JCHAIN: variants seen among roughly 807,000 people sequenced by gnomAD.
JCHAIN encodes the protein immunoglobulin J chain.
Under a neutral mutation model 11.1 loss-of-function variants are expected in JCHAIN, and 5 were observed. The observed-to-expected ratio is 0.45, with a 90% CI of 0.24 to 0.95. JCHAIN has a LOEUF of 0.95. JCHAIN is among the 40% of genes least tolerant of loss of function. JCHAIN has a pLI of 0.21. For missense variants in JCHAIN, 165 were observed against 192.7 expected, an observed-to-expected ratio of 0.86 and a Z score of 0.85; for synonymous variants, 51 against 67.8, an observed-to-expected ratio of 0.75 and a Z score of 1.22.
chr4:70,663,132 C>A (rs1254437552), intron 1 of JCHAIN, among the ~76,000 whole-genome samples: 2 of 151,808 alleles, frequency 1.3e-5, no homozygotes, highest in Admixed American at 1.3e-4. Flanking sequence ...ACCATTAAAG[C>A]CTTAACTTTG....
chr4:70,664,445 C>T (rs1318361497), intron 1 of JCHAIN, among the ~76,000 whole-genome samples: 1 of 151,936 alleles, frequency 6.6e-6, no homozygotes, highest in Non-Finnish European at 1.5e-5. Context: ...CAAAGAGGAC[C>T]TAATGCAGTA....
intron 1 of JCHAIN, among the ~76,000 whole-genome samples, chr4:70,663,829 G>C (rs1468457039): frequency 1.3e-5 from 2 of 151,886 alleles, no homozygotes; most frequent in Non-Finnish European, 1.5e-5. Context: ...CCAAAGTGCT[G>C]GGATTATGGG....
intron 1 of JCHAIN, chr4:70,665,907 A>G (rs936893430): frequency 5.8e-5 from 19 of 326,918 alleles, no homozygotes; most frequent in Admixed American, 1.0e-4. Flanking sequence ...TTGAAAGATC[A>G]GTAAACAAAA....
At chr4:70,660,469 C>T (rs895934130) in intron 2 of JCHAIN, among the ~76,000 whole-genome samples, 2 of 151,514 alleles carry the variant, frequency 1.3e-5, no homozygotes, top group Non-Finnish European at 2.9e-5. Flanking sequence ...CTGCAACCTC[C>T]GCCTTCCGGG....
intron 2 of JCHAIN, among the ~76,000 whole-genome samples, 191 bp from the exon 3 acceptor site, chr4:70,657,482 A>T (rs1683348310): frequency 6.6e-6 from 1 of 152,166 alleles, no homozygotes; most frequent in Non-Finnish European, 1.5e-5. Context: ...TCTCATTCAA[A>T]ATAAACCTCA....
chr4:70,659,306 T>C (rs954049396), intron 2 of JCHAIN, among the ~76,000 whole-genome samples: 5 of 151,674 alleles, frequency 3.3e-5, no homozygotes, highest in Non-Finnish European at 5.9e-5. Context: ...TCCCAGCACT[T>C]TGGGAGGCTG....
intron 2 of JCHAIN, among the ~76,000 whole-genome samples, chr4:70,660,572 C>T (rs1299540220): frequency 3.3e-5 from 5 of 151,854 alleles, no homozygotes; most frequent in Non-Finnish European, 5.9e-5. Flanking sequence ...TTAGTAGAGA[C>T]GGGGTTTCAC....
At position 70,655,942 on chromosome 4, in the gene JCHAIN, CAA is replaced by C. The variant is rs75670997; in HGVS notation, c.*385_*386del. The C allele has an allele frequency of 6.9e-3, 481 of 69,250 alleles. No homozygotes were observed. The highest frequency in any genetic ancestry group is 0.012 in the South Asian group (23 of 1,876). 4.3% of individuals were successfully genotyped at this position (69,250 alleles called of 1,614,324 possible). ...AAGCTCTGGCTCTCCAAGGCAAAGT[CAA>C]AAAAAAAAAAAAAAGCGGGGGGGAA... On this transcript the variant is annotated 3_prime_UTR_variant, in exon 4 of 4. Transcript: ENST00000254801.
chr4:70,665,909 T>C, intron 1 of JCHAIN: 1 of 325,836 alleles, frequency 3.1e-6, no homozygotes, highest in Non-Finnish European at 6.3e-6. Context: ...GAAAGATCAG[T>C]AAACAAAATA....
intron 1 of JCHAIN, among the ~76,000 whole-genome samples, chr4:70,663,826 G>A (rs1237465623): frequency 6.6e-6 from 1 of 151,802 alleles, no homozygotes; most frequent in Non-Finnish European, 1.5e-5. Flanking sequence ...CTCCCAAAGT[G>A]CTGGGATTAT....
chr4:70,658,120 G>A (rs73824827), intron 2 of JCHAIN, among the ~76,000 whole-genome samples: 5,429 of 152,034 alleles, frequency 0.036, 335 homozygotes, highest in African/African-American at 0.12. Flanking sequence ...ATCCTCCCCT[G>A]TCACATATCT....
chr4:70,662,762 C>T (rs765380871), intron 1 of JCHAIN, among the ~76,000 whole-genome samples: 4 of 151,918 alleles, frequency 2.6e-5, no homozygotes, highest in Non-Finnish European at 5.9e-5. Context: ...AGTTCAAGAC[C>T]GGCCTGGCCA....
chr4:70,664,600 G>T (rs1739118026), intron 1 of JCHAIN, among the ~76,000 whole-genome samples: 1 of 152,002 alleles, frequency 6.6e-6, no homozygotes, highest in African/African-American at 2.4e-5. Flanking sequence ...TGTAATATTG[G>T]AAAGAAACAT....
chr4:70,657,602 C>A (rs529441678), intron 2 of JCHAIN, among the ~76,000 whole-genome samples: 3 of 152,226 alleles, frequency 2.0e-5, no homozygotes, highest in African/African-American at 4.8e-5. Context: ...TTATCCCCAC[C>A]CTTCAACAAA....
intron 2 of JCHAIN, among the ~76,000 whole-genome samples, chr4:70,657,775 G>A (rs1738976775): frequency 6.6e-6 from 1 of 152,088 alleles, no homozygotes; most frequent in Non-Finnish European, 1.5e-5. Context: ...GTGGCATATG[G>A]AATATGTTCA....
At chr4:70,659,580 A>AAG (rs1739016666) in intron 2 of JCHAIN, among the ~76,000 whole-genome samples, 1 of 142,058 alleles carries the variant, frequency 7.0e-6, no homozygotes, top group Non-Finnish European at 1.5e-5. Context: ...AAAAAAAAAA[A>AAG]GCCAGGCACG....
chr4:70,661,966 A>C (rs1309725234), intron 2 of JCHAIN, 126 bp downstream of exon 2: 1 of 819,974 alleles, frequency 1.2e-6, no homozygotes, highest in East Asian at 2.5e-5. Context: ...TCAATTCTTT[A>C]CTCATGTAAA....
At chr4:70,662,000 T>G (rs1739065245) in intron 2 of JCHAIN, 92 bp downstream of exon 2, 3 of 1,249,882 alleles carry the variant, frequency 2.4e-6, no homozygotes, top group African/African-American at 1.5e-5. Context: ...AAAAGGGGAG[T>G]AAAGAGGCAG....
chr4:70,665,763 T>C (rs1739139111), intron 1 of JCHAIN: 1 of 164,974 alleles, frequency 6.1e-6, no homozygotes, highest in Non-Finnish European at 1.3e-5. Flanking sequence ...ATTTCTGTCA[T>C]TATTCATCTT....
Sources: allele counts gnomAD v4.1 joint callset (sites outside exome capture counted in the v4.1 genomes callset), GRCh38; gene constraint gnomAD v4.1.1; transcripts MANE v1.5; gene names NCBI Gene and HGNC (gene_info 2026-07-23, HGNC 2026-07-21).